The following ALG5 variants were observed in gnomAD, a reference collection of about 807,000 sequenced individuals.
The protein encoded by ALG5 is ALG5 dolichyl-phosphate beta-glucosyltransferase.
ALG5 carries 26 observed loss-of-function variants against 51.8 expected under a neutral mutation model. That is an observed-to-expected ratio of 0.50 (90% CI 0.37 to 0.70). ALG5 has a LOEUF of 0.70. Ranked by LOEUF, ALG5 falls within the 30% of genes least tolerant of loss-of-function variation. ALG5 has a pLI of 0.00. For synonymous variants in ALG5, 141 were observed against 136.1 expected (o/e 1.04, Z -0.25); for missense variants, 311 against 399.3 (o/e 0.78, Z 1.88).
chr13:36,980,022 G>A (rs2058972615), intron 6 of ALG5, among the ~76,000 whole-genome samples: 1 of 152,028 alleles, frequency 6.6e-6, no homozygotes, highest in South Asian at 2.1e-4. Flanking sequence ...ACTCCAGGCT[G>A]GGTGACAGAA....
intron 8 of ALG5, among the ~76,000 whole-genome samples, chr13:36,962,081 C>T (rs969066365): frequency 5.9e-5 from 9 of 152,204 alleles, no homozygotes; most frequent in African/African-American, 1.9e-4. Flanking sequence ...AGCCACTACG[C>T]CCAGCCGATA....
chr13:36,958,485 A>C (rs2058850746), intron 8 of ALG5, among the ~76,000 whole-genome samples: 1 of 151,932 alleles, frequency 6.6e-6, no homozygotes, highest in Non-Finnish European at 1.5e-5. Flanking sequence ...TCTACCATGG[A>C]CCCCTGGACT....
chr13:36,994,505 T>C (rs571104751), intron 3 of ALG5, among the ~76,000 whole-genome samples: 1 of 152,040 alleles, frequency 6.6e-6, no homozygotes, highest in African/African-American at 2.4e-5. Flanking sequence ...TCAATGTAAG[T>C]GTGTCTTTTA....
intron 8 of ALG5, 90 bp from the exon 9 acceptor site, chr13:36,952,689 T>C (rs2058823883): frequency 1.4e-6 from 1 of 702,514 alleles, no homozygotes; most frequent in Non-Finnish European, 2.3e-6. Flanking sequence ...GAAGCTTACA[T>C]GGCAGATATA....
At chr13:36,950,096 T>G in intron 9 of ALG5, 39 bp from the exon 10 acceptor site, 1 of 1,299,248 alleles carries the variant, frequency 7.7e-7, no homozygotes, top group Non-Finnish European at 1.1e-6. Flanking sequence ...TTAGCTTAAA[T>G]AAACTCAGCA....
At chr13:36,994,377 A>G (rs937774763) in intron 3 of ALG5, among the ~76,000 whole-genome samples, 3 of 152,194 alleles carry the variant, frequency 2.0e-5, no homozygotes, top group Admixed American at 2.0e-4. Context: ...GGGGATTCCA[A>G]TGGCAGCTAA....
At position 36,973,914 on chromosome 13, in the gene ALG5, C is replaced by A. The variant is rs573955391; in HGVS notation, c.562-1878G>T. On this transcript the variant is annotated intron_variant, in intron 6 of 9. Coordinates refer to ENST00000239891, the MANE Select transcript of ALG5 (RefSeq NM_013338.5). Reference sequence around the variant, plus strand: ...ACTGTGCCCGCACACTCTCTAGCAACAGCAATTTGAAACGTTATCAAAATT... The same window carrying A: ...ACTGTGCCCGCACACTCTCTAGCAAAAGCAATTTGAAACGTTATCAAAATT... Among the ~76,000 whole-genome samples, 4 of 152,322 alleles carry A rather than the reference C, an allele frequency of 2.6e-5. No homozygotes were observed. In the South Asian group the frequency reaches 8.3e-4, roughly 32 times the overall value.
chr13:36,951,725 T>A (rs1316500658), intron 9 of ALG5, among the ~76,000 whole-genome samples: 1 of 152,248 alleles, frequency 6.6e-6, no homozygotes, highest in Admixed American at 6.5e-5. Flanking sequence ...TTTGGATATA[T>A]GTACAGATAT....
chr13:36,996,960 T>C (rs2059053442), intron 1 of ALG5, among the ~76,000 whole-genome samples: 1 of 152,148 alleles, frequency 6.6e-6, no homozygotes, highest in Non-Finnish European at 1.5e-5. Context: ...CAAATGGCCA[T>C]TACATGACTC....
intron 4 of ALG5, among the ~76,000 whole-genome samples, chr13:36,992,456 G>A (rs1380788527): frequency 6.6e-6 from 1 of 152,190 alleles, no homozygotes; most frequent in Non-Finnish European, 1.5e-5. Flanking sequence ...ACTATGTTAG[G>A]ATGAAAAGCT....
In ALG5 at chr13:36,985,666, C is replaced by T. The variant is rs1364476901; in HGVS notation, c.522G>A (p.Glu174=). 1.9e-6 allele frequency: 3 copies of T among 1,613,790 alleles called. No homozygotes were observed. The highest frequency in any genetic ancestry group is 2.5e-6 in the Non-Finnish European group (3 of 1,179,896). Residue 174 remains glutamate, a synonymous_variant, in exon 6 of 10, where the codon GAG becomes GAA. Coordinates refer to ENST00000239891, the MANE Select transcript of ALG5 (RefSeq NM_013338.5). Reference sequence around the variant, plus strand: ...GATCATTTAGCCCCTTTTCTAATTTCTCAACATCTGGAAACTTTGTGGCTC... The same window carrying T: ...GATCATTTAGCCCCTTTTCTAATTTTTCAACATCTGGAAACTTTGTGGCTC... ...ADGATKFPDV[E]KLEKGLNDLQ...
chr13:36,997,466 C>CAAAAAA (rs57878611), intron 1 of ALG5, among the ~76,000 whole-genome samples: 15 of 78,106 alleles, frequency 1.9e-4, no homozygotes, highest in South Asian at 5.1e-4. Context: ...GACTCCGTCT[C>CAAAAAA]AAAAAAAAAA....
Position 36,975,154 on chromosome 13 carries a change from T to C in ALG5, c.562-3118A>G, listed in dbSNP as rs551792600. On this transcript the variant is annotated intron_variant, in intron 6 of 9. Transcript: ENST00000239891. ...TGAACTCAGGAGGCGGAGGGTGCAGTGAGCCAAGATTGCACCATTGCATCC... is the reference window on the plus strand; with the variant it reads ...TGAACTCAGGAGGCGGAGGGTGCAGCGAGCCAAGATTGCACCATTGCATCC... Among the ~76,000 whole-genome samples the C allele has an allele frequency of 5.3e-5, 8 of 152,302 alleles. No homozygotes were observed. In the South Asian group the frequency reaches 1.7e-3, roughly 32 times the overall value.
intron 8 of ALG5, among the ~76,000 whole-genome samples, chr13:36,962,576 C>T (rs1369669311): frequency 2.0e-5 from 3 of 152,150 alleles, no homozygotes; most frequent in Non-Finnish European, 4.4e-5. Context: ...AGCAATCCAC[C>T]TGCCTCAGCC....
intron 8 of ALG5, among the ~76,000 whole-genome samples, chr13:36,962,538 C>T (rs892834078): frequency 2.0e-5 from 3 of 152,012 alleles, no homozygotes; most frequent in Non-Finnish European, 2.9e-5. Flanking sequence ...CCATTGTTGC[C>T]CATGCTGGTT....
chr13:36,965,418 C>A (rs2058888526), intron 8 of ALG5, among the ~76,000 whole-genome samples, 157 bp downstream of exon 8: 1 of 152,038 alleles, frequency 6.6e-6, no homozygotes, highest in Non-Finnish European at 1.5e-5. Flanking sequence ...TAAGATCCAA[C>A]TCAGGAAAAG....
chr13:36,977,591 A>G (rs2058957860), intron 6 of ALG5, among the ~76,000 whole-genome samples: 1 of 151,982 alleles, frequency 6.6e-6, no homozygotes, highest in African/African-American at 2.4e-5. Context: ...CATGAGTTCA[A>G]GACCAGCCTG....
chr13:36,957,522 C>T (rs2058845752), intron 8 of ALG5, among the ~76,000 whole-genome samples: 1 of 152,120 alleles, frequency 6.6e-6, no homozygotes, highest in Non-Finnish European at 1.5e-5. Flanking sequence ...ATCACTTACA[C>T]TGCGCCTGGA....
At chr13:36,974,316 A>G (rs776970357) in intron 6 of ALG5, among the ~76,000 whole-genome samples, 2 of 152,224 alleles carry the variant, frequency 1.3e-5, no homozygotes, top group African/African-American at 2.4e-5. Context: ...TCTTTCTTAT[A>G]CCATTTGAAT....
Sources: allele counts gnomAD v4.1 joint callset (sites outside exome capture counted in the v4.1 genomes callset), GRCh38; gene constraint gnomAD v4.1.1; transcripts MANE v1.5; gene names NCBI Gene and HGNC (gene_info 2026-07-23, HGNC 2026-07-21).